COX16: variants seen among roughly 807,000 people sequenced by gnomAD.
COX16 encodes the protein cytochrome c oxidase assembly factor COX16.
Under a neutral mutation model 15.4 loss-of-function variants are expected in COX16, and 12 were observed. That is an observed-to-expected ratio of 0.78 (90% CI 0.50 to 1.26). COX16 has a LOEUF of 1.26. COX16 is among the 50% of genes most tolerant of loss of function. COX16 has a pLI of 0.00. For missense variants in COX16, 124 were observed against 127.6 expected (o/e 0.97, Z 0.14); for synonymous variants, 46 against 41.1 (o/e 1.12, Z -0.46).
intron 2 of COX16, among the ~76,000 whole-genome samples, chr14:70,339,400 T>C (rs1886557232): frequency 2.6e-5 from 4 of 151,856 alleles, no homozygotes; most frequent in Non-Finnish European, 4.4e-5. Context: ...AGAAGCAAGA[T>C]TTTTTTTTCC....
chr14:70,352,375 C>T (rs1199677889), intron 1 of COX16, among the ~76,000 whole-genome samples: 8 of 151,828 alleles, frequency 5.3e-5, no homozygotes, highest in East Asian at 1.9e-4. Flanking sequence ...TCACTAGATA[C>T]GGGGTTTCAC....
chr14:70,357,259 A>G (rs1345533794), intron 1 of COX16, among the ~76,000 whole-genome samples: 2 of 151,366 alleles, frequency 1.3e-5, no homozygotes, highest in Admixed American at 1.3e-4. Context: ...GTGTCCTTAG[A>G]GGACTCTGAA....
At position 70,326,293 on chromosome 14, in the gene COX16, T is replaced by G. The variant is rs538669004; in HGVS notation, c.*40A>C. The G allele has an allele frequency of 1.6e-3, 2,233 of 1,409,912 alleles. 3 individuals are homozygous for G. The highest frequency in any genetic ancestry group is 2.0e-3 in the Non-Finnish European group (2,146 of 1,072,104). The allele number at this position is 1,409,912 out of a possible 1,614,324, so 87.3% of individuals were successfully genotyped here. A position where few individuals can be genotyped will look rare whatever the true frequency, so the allele number is the denominator to read the frequency against. On this transcript the variant is annotated 3_prime_UTR_variant, in exon 4 of 4. Transcript: ENST00000389912. ...TTAGGAAGTCCAGTTAATAATATTT[T>G]TATTTAAAAAAAAAAAAAAGGAAAA... is the stretch of plus-strand genomic sequence containing the variant.
intron 1 of COX16, among the ~76,000 whole-genome samples, chr14:70,357,600 T>G (rs937117399): frequency 1.3e-5 from 2 of 152,202 alleles, no homozygotes; most frequent in African/African-American, 4.8e-5. Context: ...TGAACAGACA[T>G]TTCTCCAAAA....
rs558807816 is a variant in COX16 at position 70,347,982 on chromosome 14, A to T, written c.70-5253T>A. ...CCAACCTTTCCATCTACTCCAGAAG[A>T]CTCTCATCTCAGCCCCCATCCTCAC... On this transcript the variant is annotated intron_variant, in intron 1 of 3. Transcript: ENST00000389912. Among the ~76,000 whole-genome samples, 114 of 151,634 alleles carry T rather than the reference A, an allele frequency of 7.5e-4. 1 individual carries two copies. The South Asian group carries it at 0.024, about 31-fold the overall frequency.
chr14:70,357,158 C>CAAAAAAAAAAAAAAAA (rs4048531), intron 1 of COX16, among the ~76,000 whole-genome samples: 10 of 78,704 alleles, frequency 1.3e-4, no homozygotes, highest in African/African-American at 3.9e-4. Flanking sequence ...AAGCGTTTGT[C>CAAAAAAAAAAAAAAAA]AAAAAAAAAA....
At chr14:70,338,162 G>A (rs980053740) in intron 2 of COX16, among the ~76,000 whole-genome samples, 2 of 152,150 alleles carry the variant, frequency 1.3e-5, no homozygotes, top group Non-Finnish European at 2.9e-5. Flanking sequence ...CACCCAGGCT[G>A]GAGTGCAATG....
intron 1 of COX16, among the ~76,000 whole-genome samples, chr14:70,356,007 A>G (rs1887113241): frequency 6.6e-6 from 1 of 152,054 alleles, no homozygotes; most frequent in African/African-American, 2.4e-5. Flanking sequence ...CACAAGTGGA[A>G]GCAGCTTGAG....
chr14:70,354,843 T>TGC (rs1449664804), intron 1 of COX16, among the ~76,000 whole-genome samples: 1 of 150,614 alleles, frequency 6.6e-6, no homozygotes, highest in Non-Finnish European at 1.5e-5. Context: ...TGTGTGTGCG[T>TGC]GTGTGTGTGT....
chr14:70,342,413 C>G (rs953517596), intron 2 of COX16, among the ~76,000 whole-genome samples: 27 of 152,162 alleles, frequency 1.8e-4, no homozygotes, highest in African/African-American at 6.0e-4. Flanking sequence ...CCACTGCACT[C>G]CAGTCTGAGC....
At chr14:70,340,879 G>T (rs1197958901) in intron 2 of COX16, among the ~76,000 whole-genome samples, 6 of 152,142 alleles carry the variant, frequency 3.9e-5, no homozygotes, top group African/African-American at 1.2e-4. Flanking sequence ...CCTTTTCCAA[G>T]TTAAAACTAT....
Position 70,332,722 on chromosome 14 carries a change from G to A in COX16, c.142-3486C>T, listed in dbSNP as rs115578611. ...CCTGCCAAGTGACACATGCTCATCC[G>A]TGGCAATGAGAGGGGATCATCAGCC... is the stretch of plus-strand genomic sequence containing the variant. On this transcript the variant is annotated intron_variant, in intron 2 of 3. Coordinates refer to ENST00000389912, the MANE Select transcript of COX16 (RefSeq NM_016468.7). Among the ~76,000 whole-genome samples the A allele has an allele frequency of 5.9e-3, 891 of 152,224 alleles. 11 individuals carry two copies. The highest frequency in any genetic ancestry group is 0.02 in the African/African-American group (827 of 41,520).
chr14:70,355,336 A>AC (rs1346680938), intron 1 of COX16, among the ~76,000 whole-genome samples: 1 of 152,076 alleles, frequency 6.6e-6, no homozygotes, highest in Non-Finnish European at 1.5e-5. Flanking sequence ...ACTCTTTCTT[A>AC]GTCTCCTTGA....
intron 2 of COX16, 26 bp downstream of exon 2, chr14:70,342,632 T>C: frequency 1.2e-6 from 2 of 1,605,258 alleles, no homozygotes; most frequent in South Asian, 1.1e-5. Flanking sequence ...GACAGACACA[T>C]GTCAAACTCT....
intron 2 of COX16, among the ~76,000 whole-genome samples, chr14:70,336,938 TG>T (rs1173310584): frequency 6.6e-6 from 1 of 152,200 alleles, no homozygotes; most frequent in African/African-American, 2.4e-5. Flanking sequence ...TGCAGTCTCT[TG>T]GAGTTTAAGA....
chr14:70,344,763 T>C (rs757787868), intron 1 of COX16, among the ~76,000 whole-genome samples: 6 of 152,082 alleles, frequency 3.9e-5, no homozygotes, highest in Non-Finnish European at 8.8e-5. Context: ...ACCAGCAAGA[T>C]AGCAGAAGCA....
At chr14:70,332,012 A>C (rs1052195497) in intron 2 of COX16, among the ~76,000 whole-genome samples, 1 of 152,244 alleles carries the variant, frequency 6.6e-6, no homozygotes, top group African/African-American at 2.4e-5. Context: ...TGGATGATCC[A>C]CTGAGCTTGC....
intron 1 of COX16, 123 bp downstream of exon 1, chr14:70,359,396 T>C: frequency 1.2e-6 from 1 of 852,692 alleles, no homozygotes; most frequent in Admixed American, 1.9e-5. Flanking sequence ...ACCCCGTCGC[T>C]AGCTCCTTCC....
intron 1 of COX16, among the ~76,000 whole-genome samples, chr14:70,356,864 T>G (rs1339160775): frequency 1.3e-5 from 2 of 151,966 alleles, no homozygotes; most frequent in Non-Finnish European, 2.9e-5. Context: ...CTAAGAAAAA[T>G]GCCTGAATCT....
Sources: allele counts gnomAD v4.1 joint callset (sites outside exome capture counted in the v4.1 genomes callset), GRCh38; gene constraint gnomAD v4.1.1; transcripts MANE v1.5; gene names NCBI Gene and HGNC (gene_info 2026-07-23, HGNC 2026-07-21).